Variants in DCAF8 observed in about 807,000 individuals in gnomAD.
DCAF8 encodes the protein DDB1 and CUL4 associated factor 8, also known as DDB1- and CUL4-associated factor 8.
DCAF8 carries 20 observed loss-of-function variants against 68.0 expected under a neutral mutation model. The observed-to-expected ratio is 0.29, with a 90% CI of 0.21 to 0.43. DCAF8 has a LOEUF of 0.43. Ranked by LOEUF, DCAF8 falls within the 20% of genes least tolerant of loss-of-function variation. The pLI, the probability that DCAF8 is intolerant of heterozygous loss-of-function variation, is 1.00. For missense variants in DCAF8, 460 were observed against 771.0 expected (o/e 0.60, Z 4.78); for synonymous variants, 230 against 276.9 (o/e 0.83, Z 1.68).
chr1:160,229,955 G>A (rs553957641), intron 7 of DCAF8, among the ~76,000 whole-genome samples: 12 of 152,152 alleles, frequency 7.9e-5, no homozygotes, highest in East Asian at 5.8e-4. Context: ...CCCGGGAAGC[G>A]GAGGTTGCAG....
chr1:160,262,009 T>C, intron 1 of DCAF8: 1 of 217,318 alleles, frequency 4.6e-6, no homozygotes, highest in East Asian at 9.0e-5. Flanking sequence ...GCGAGCCGTG[T>C]CCCTCAATCT....
rs144592310 is a variant in DCAF8, at chr1:160,224,794, A to G, written c.1202-245T>C. On this transcript the variant is annotated intron_variant, in intron 9 of 13. Transcript: ENST00000368074. ...ATTAACTCAGGAATGAGTCAAAGGCATAAGAACCTGCTCAGGCAAGCAACC... is the reference window on the plus strand; with the variant it reads ...ATTAACTCAGGAATGAGTCAAAGGCGTAAGAACCTGCTCAGGCAAGCAACC... Among the ~76,000 whole-genome samples the G allele has an allele frequency of 1.9e-3, 296 of 152,384 alleles. 1 individual carries two copies. The highest frequency in any genetic ancestry group is 6.8e-3 in the African/African-American group (281 of 41,602).
intron 6 of DCAF8, among the ~76,000 whole-genome samples, chr1:160,234,753 A>G (rs969502209): frequency 6.6e-6 from 1 of 152,238 alleles, no homozygotes; most frequent in African/African-American, 2.4e-5. Flanking sequence ...AATAACAAAC[A>G]TCATGTAGTT....
intron 2 of DCAF8, 144 bp from the exon 3 acceptor site, chr1:160,244,178 G>A (rs941620395): frequency 1.8e-5 from 11 of 614,744 alleles, no homozygotes; most frequent in Non-Finnish European, 2.9e-5. Context: ...GGTCTTCTCA[G>A]CTTGTGAAAT....
chr1:160,224,467 G>A lies in DCAF8; in HGVS notation c.1284C>T (p.Tyr428=). 2 of 1,613,880 alleles carry A rather than the reference G, an allele frequency of 1.2e-6. No homozygotes were observed. The highest frequency in any genetic ancestry group is 1.3e-5 in the African/African-American group (1 of 75,052). Residue 428 remains tyrosine (Y), a synonymous_variant, in exon 10 of 14, where the codon TAC becomes TAT. Coordinates refer to ENST00000368074, the MANE Select transcript of DCAF8 (RefSeq NM_015726.4). Reference sequence around the variant, plus strand: ...CTGTGGCATTATTTCTGTGGCCCTTGTATCTCTTAACATACTGGGCCCCAT... The same window carrying A: ...CTGTGGCATTATTTCTGTGGCCCTTATATCTCTTAACATACTGGGCCCCAT... ...HSDGAQYVKR[Y]KGHRNNATVK... is the part of the protein sequence containing the mutation.
At chr1:160,234,976 G>T (rs188865647) in intron 6 of DCAF8, among the ~76,000 whole-genome samples, 1 of 152,172 alleles carries the variant, frequency 6.6e-6, no homozygotes. Flanking sequence ...TATCCAAACA[G>T]CTTTTTCTGG....
chr1:160,242,282 T>C (rs1402657353), intron 3 of DCAF8, among the ~76,000 whole-genome samples: 1 of 148,366 alleles, frequency 6.7e-6, no homozygotes, highest in African/African-American at 2.5e-5. Context: ...GAGCACAGTA[T>C]AAAACAACTG....
rs1351756097 is a variant in DCAF8, at chr1:160,217,646, T to C, written c.1740A>G (p.Ser580=). 6.2e-7 allele frequency: 1 copy of C among 1,614,150 alleles called. No individual in the cohort carries two copies. Among genetic ancestry groups the C allele is most frequent in the Admixed American group, 1.7e-5 (1 of 60,022 alleles). ...GGCCCTCCTCCTCGTCCGATGTGTC[T>C]GAGGAGCTGGGAGACTCATCAGAGT... ...DADSDESPSS[S]DTSDEEEGPD... is the part of the protein sequence containing the mutation. The change falls in exon 14 of 14, where the codon TCA becomes TCG. Residue 580 remains serine (S), a synonymous_variant. Transcript: ENST00000368074.
In DCAF8 at chr1:160,239,781, A is replaced by G. The variant is rs1202648732; in HGVS notation, c.639T>C (p.Asp213=). The G allele has an allele frequency of 1.2e-6, 2 of 1,614,200 alleles. No homozygotes were observed. Among genetic ancestry groups the G allele is most frequent in the Non-Finnish European group, 1.7e-6 (2 of 1,180,004 alleles). The stretch of plus-strand genomic sequence containing the variant: ...AATCCCACACCACCACCTTCAGGTC[A>G]TCGCTGCCACTGGCCAGCCAGGTGC... ...QRGTWLASGS[D]DLKVVVWDWV... is the part of the protein sequence containing the mutation. The change falls in exon 4 of 14, where the codon GAT becomes GAC. Residue 213 remains aspartate, a synonymous_variant. Transcript: ENST00000368074.
Position 160,225,171 on chromosome 1 carries a change from C to A in DCAF8, c.1144-52G>T, listed in dbSNP as rs753168982. On this transcript the variant is annotated intron_variant, in intron 8 of 13. Coordinates refer to ENST00000368074, the MANE Select transcript of DCAF8 (RefSeq NM_015726.4). ...ATGCCCCACCCCCCCATTTGTTATACCATCTTCAGGAAACAGCTTTTCCTT... is the reference window on the plus strand; with the variant it reads ...ATGCCCCACCCCCCCATTTGTTATAACATCTTCAGGAAACAGCTTTTCCTT... 14 of 1,560,966 alleles carry A rather than the reference C, an allele frequency of 9.0e-6. No individual in the cohort carries two copies. In the Admixed American group the frequency reaches 2.1e-4, roughly 23 times the overall value.
chr1:160,262,195 G>A (rs946034859), intron 1 of DCAF8: 1 of 397,060 alleles, frequency 2.5e-6, no homozygotes, highest in African/African-American at 2.1e-5. Context: ...AAGAGCTTGG[G>A]ATACGGGTCA....
chr1:160,257,783 C>A (rs189396245), intron 2 of DCAF8, among the ~76,000 whole-genome samples: 5 of 152,288 alleles, frequency 3.3e-5, no homozygotes, highest in African/African-American at 9.6e-5. Flanking sequence ...GCAATCTCAG[C>A]GCACTGCAGT....
At chr1:160,243,819 C>T in intron 3 of DCAF8, 141 bp downstream of exon 3, 1 of 753,624 alleles carries the variant, frequency 1.3e-6, no homozygotes, top group Admixed American at 2.4e-5. Flanking sequence ...AAGGTGTTTC[C>T]TGTGTAGTTT....
At chr1:160,243,828 T>C in intron 3 of DCAF8, 132 bp downstream of exon 3, 1 of 824,720 alleles carries the variant, frequency 1.2e-6, no homozygotes, top group Non-Finnish European at 2.0e-6. Context: ...CCTGTGTAGT[T>C]TCCTAAACTC....
chr1:160,250,224 G>A (rs900740388), intron 2 of DCAF8, among the ~76,000 whole-genome samples: 7 of 152,178 alleles, frequency 4.6e-5, no homozygotes, highest in African/African-American at 1.7e-4. Context: ...AACACTTTGG[G>A]AGGCCAAGGC....
At chr1:160,228,358 T>C (rs1483365702) in intron 7 of DCAF8, among the ~76,000 whole-genome samples, 1 of 152,174 alleles carries the variant, frequency 6.6e-6, no homozygotes, top group Non-Finnish European at 1.5e-5. Context: ...TCTAATGTTC[T>C]CTCAGTGTTG....
Position 160,217,554 on chromosome 1 carries a change from G to C in DCAF8, c.*38C>G. On this transcript the variant is annotated 3_prime_UTR_variant, in exon 14 of 14. Transcript: ENST00000368074. Reference sequence around the variant, plus strand: ...GAAAGGGTTGCCCAGGCAGGATCAGGTTGGCAGCCCCAGCCTGCCCCACCT... The same window carrying C: ...GAAAGGGTTGCCCAGGCAGGATCAGCTTGGCAGCCCCAGCCTGCCCCACCT... The C allele has an allele frequency of 6.6e-7, 1 of 1,513,874 alleles. No individual in the cohort carries two copies. The highest frequency in any genetic ancestry group is 9.1e-7 in the Non-Finnish European group (1 of 1,095,990). The allele number at this position is 1,513,874 out of a possible 1,614,324, so 93.8% of individuals were successfully genotyped here.
At chr1:160,222,084 G>C (rs1052356307) in intron 11 of DCAF8, among the ~76,000 whole-genome samples, 1 of 152,208 alleles carries the variant, frequency 6.6e-6, no homozygotes, top group Non-Finnish European at 1.5e-5. Context: ...ATGTACGCAT[G>C]ACATTTCACC....
intron 6 of DCAF8, 50 bp from the exon 7 acceptor site, chr1:160,231,457 T>C (rs762407039): frequency 2.1e-6 from 3 of 1,406,652 alleles, no homozygotes; most frequent in African/African-American, 2.8e-5. Flanking sequence ...AAGATCCAAA[T>C]GGTCATGGCA....
Sources: gnomAD v4.1 joint callset for allele counts (sites outside exome capture counted in the v4.1 genomes callset) on GRCh38, gnomAD v4.1.1 for gene constraint, MANE v1.5 for transcripts, NCBI Gene and HGNC (gene_info 2026-07-23, HGNC 2026-07-21) for gene names.